Variants in HDAC9 observed in about 807,000 individuals in gnomAD.
HDAC9 encodes the protein MEF-2 interacting transcription repressor (MITR) protein.
A neutral mutation model predicts 139.4 loss-of-function variants in HDAC9; 41 were observed. The ratio of observed to expected loss-of-function variants is 0.29; its 90% confidence interval spans 0.23 to 0.38. The LOEUF is 0.38. HDAC9 is among the 10% of genes least tolerant of loss of function. The probability of loss-of-function intolerance (pLI) is 1.00; values close to 1 mark genes in which losing one functional copy is unlikely to be tolerated. For missense variants in HDAC9, 1,147 were observed against 1,297.0 expected (o/e 0.88, Z 1.78); for synonymous variants, 517 against 476.2 (o/e 1.09, Z -1.12).
chr7:18,599,381 C>T (rs185809519), intron 6 of HDAC9, among the ~76,000 whole-genome samples: 14 of 152,258 alleles, frequency 9.2e-5, no homozygotes, highest in African/African-American at 3.1e-4. Context: ...ACAAATGTGT[C>T]ATATCATGTC....
At chr7:18,585,825 C>G (rs934683702) in intron 3 of HDAC9, among the ~76,000 whole-genome samples, 1 of 152,034 alleles carries the variant, frequency 6.6e-6, no homozygotes, top group Non-Finnish European at 1.5e-5. Context: ...CCCATCTGCT[C>G]TCCACCAAGA....
chr7:18,162,149 A>G, intron 1 of HDAC9: 1 of 601,504 alleles, frequency 1.7e-6, no homozygotes, highest in Non-Finnish European at 2.9e-6. Context: ...TCGACACTCA[A>G]GGCCAGTTCT....
At chr7:18,181,764 AAAT>A (rs1404786821) in intron 2 of HDAC9, among the ~76,000 whole-genome samples, 3 of 152,314 alleles carry the variant, frequency 2.0e-5, no homozygotes, top group Admixed American at 2.0e-4. Context: ...TCCTTTAAAA[AAAT>A]CTTATTAGCA....
chr7:18,411,817 CTTTTT>C (rs71014326), intron 1 of HDAC9, among the ~76,000 whole-genome samples: 33 of 88,938 alleles, frequency 3.7e-4, no homozygotes, highest in African/African-American at 1.2e-3. Context: ...TTTCAACTTG[CTTTTT>C]TTTTTTTTTT....
At chr7:18,952,679 C>T (rs1782881228) in intron 23 of HDAC9, among the ~76,000 whole-genome samples, 1 of 151,902 alleles carries the variant, frequency 6.6e-6, no homozygotes, top group Non-Finnish European at 1.5e-5. Context: ...TCAGTAGTTC[C>T]TCTGAGTTAA....
rs149789415 is a variant in HDAC9, at chr7:18,462,718, A to G, written c.-41-33544A>G. On this transcript the variant is annotated intron_variant, in intron 1 of 3. Coordinates refer to the HDAC9 transcript ENST00000413509. ...TGTCGTTTATAACTTTAGTTTGTTGATTTTTACTGCTGTATAATATCTACT... is the reference window on the plus strand; with the variant it reads ...TGTCGTTTATAACTTTAGTTTGTTGGTTTTTACTGCTGTATAATATCTACT... Among the ~76,000 whole-genome samples, 403 of 151,954 alleles carry G rather than the reference A, an allele frequency of 2.7e-3. 6 individuals are homozygous for G. Among genetic ancestry groups the G allele is most frequent in the African/African-American group, 9.0e-3 (374 of 41,468 alleles).
At chr7:18,759,829 T>C (rs1051855283) in intron 14 of HDAC9, among the ~76,000 whole-genome samples, 1 of 152,126 alleles carries the variant, frequency 6.6e-6, no homozygotes, top group Non-Finnish European at 1.5e-5. Flanking sequence ...TGTGGGTGAA[T>C]AAGCAAAGGT....
intron 1 of HDAC9, among the ~76,000 whole-genome samples, chr7:18,316,518 C>T (rs942982194): frequency 6.6e-6 from 1 of 151,720 alleles, no homozygotes; most frequent in African/African-American, 2.4e-5. Flanking sequence ...ACCCATGTTG[C>T]CAGGTACGGT....
Position 18,296,098 on chromosome 7 carries a change from C to G in HDAC9, c.-42+5583C>G, listed in dbSNP as rs116261238. ...TTTGAATTTGGTTTTTATCTTGAAA[C>G]TTCTTTGTAAAAAACAACGTGAATA... On this transcript the variant is annotated intron_variant, in intron 1 of 3. Transcript: ENST00000413509. Among the ~76,000 whole-genome samples, 683 of 152,208 alleles carry G rather than the reference C, an allele frequency of 4.5e-3. 4 individuals carry two copies. Among genetic ancestry groups the G allele is most frequent in the African/African-American group, 0.015 (642 of 41,542 alleles).
At position 18,237,360 on chromosome 7, in the gene HDAC9, A is replaced by G. The variant is rs115236273; in HGVS notation, c.25+75011A>G. ...AACTGCAATTTATTAAAGCTTGGAA[A>G]CATCTTGCTGTGGAGTGACTTCAAT... On this transcript the variant is annotated intron_variant, in intron 2 of 12. Coordinates refer to the HDAC9 transcript ENST00000417496. 6.5e-3 allele frequency among the ~76,000 whole-genome samples: 983 copies of G among 152,346 alleles called. 17 individuals carry two copies. Among genetic ancestry groups the G allele is most frequent in the African/African-American group, 0.023 (951 of 41,574 alleles).
At chr7:18,292,292 G>A (rs583769) in intron 1 of HDAC9, among the ~76,000 whole-genome samples, 54,443 of 151,828 alleles carry the variant, frequency 0.36, 12,010 homozygotes, top group African/African-American at 0.63. Flanking sequence ...AGCTCATAAG[G>A]GACAGCCAGG....
At chr7:18,772,781 C>T (rs562065267) in intron 16 of HDAC9, among the ~76,000 whole-genome samples, 153 of 152,012 alleles carry the variant, frequency 1.0e-3, no homozygotes, top group Non-Finnish European at 2.0e-3. Context: ...ACTGATAAGC[C>T]ACCTTAATGA....
Position 18,255,878 on chromosome 7 carries a change from C to T in HDAC9, c.25+93529C>T, listed in dbSNP as rs188713249. ...TCTTGACGTCGTGATCTGCCCGCCT[C>T]GGCCTCCCAAAGTGTTGGGATTATA... is the stretch of plus-strand genomic sequence containing the variant. On this transcript the variant is annotated intron_variant, in intron 2 of 12. Transcript: ENST00000417496. 6.0e-4 allele frequency among the ~76,000 whole-genome samples: 91 copies of T among 152,162 alleles called. 2 individuals are homozygous for T. In the East Asian group the frequency reaches 0.015, roughly 25 times the overall value.
In HDAC9 at chr7:18,327,310, T is replaced by G. The variant is rs144782167; in HGVS notation, c.-42+36795T>G. On this transcript the variant is annotated intron_variant, in intron 1 of 3. Transcript: ENST00000413509. ...AACTAAAATATTATTATTTTTTAGT[T>G]TACATATCAGAACCTAGATATAATG... is the stretch of plus-strand genomic sequence containing the variant. The G allele has an allele frequency of 3.9e-3, 588 of 152,046 alleles. 3 individuals carry two copies. Among genetic ancestry groups the G allele is most frequent in the African/African-American group, 0.014 (566 of 41,536 alleles). 9.4% of individuals were successfully genotyped at this position (152,046 alleles called of 1,614,324 possible). A position where few individuals can be genotyped will look rare whatever the true frequency, so the allele number is the denominator to read the frequency against.
At chr7:18,762,521 T>C (rs565680468) in intron 15 of HDAC9, among the ~76,000 whole-genome samples, 181 of 152,320 alleles carry the variant, frequency 1.2e-3, no homozygotes, top group South Asian at 5.2e-3. Context: ...TTGAATAACA[T>C]TTGTACAATG....
Position 19,001,723 on chromosome 7 carries a change from A to G in HDAC9, c.*5661A>G, listed in dbSNP as rs1269772391. On this transcript the variant is annotated 3_prime_UTR_variant, in exon 26 of 26. Coordinates refer to ENST00000686413, the MANE Select transcript of HDAC9 (RefSeq NM_178425.4). ...AGTGTCTACCTCCACAGTAACTATGATATAGGAAATTGTCCTTTCAGTGGT... is the reference window on the plus strand; with the variant it reads ...AGTGTCTACCTCCACAGTAACTATGGTATAGGAAATTGTCCTTTCAGTGGT... 6.6e-6 allele frequency: 1 copy of G among 152,002 alleles called. No homozygotes were observed. The highest frequency in any genetic ancestry group is 1.5e-5 in the Non-Finnish European group (1 of 67,940). 9.4% of individuals were successfully genotyped at this position (152,002 alleles called of 1,614,324 possible). A position where few individuals can be genotyped will look rare whatever the true frequency, so the allele number is the denominator to read the frequency against.
intron 24 of HDAC9, among the ~76,000 whole-genome samples, chr7:18,955,593 A>G (rs1308643950): frequency 6.6e-6 from 1 of 152,140 alleles, no homozygotes; most frequent in Non-Finnish European, 1.5e-5. Flanking sequence ...CATGTTGATC[A>G]ATTACCAAGG....
chr7:18,237,215 G>A (rs979741505), intron 2 of HDAC9, among the ~76,000 whole-genome samples: 15 of 152,142 alleles, frequency 9.9e-5, no homozygotes, highest in African/African-American at 3.1e-4. Context: ...ATTACTTTTT[G>A]TACATGTAAG....
chr7:18,230,383 A>AAGCT lies in HDAC9; in HGVS notation c.25+68038_25+68041dup, dbSNP rs566614473. On this transcript the variant is annotated intron_variant, in intron 2 of 12. Transcript: ENST00000417496. ...TTGGGGCACATGTTACGTGCCCACGAAGCTAGCCCTTATAGATGCCTTTGC... is the reference window on the plus strand; with the variant it reads ...TTGGGGCACATGTTACGTGCCCACGAAGCTAGCTAGCCCTTATAGATGCCTTTGC... 6.6e-5 allele frequency among the ~76,000 whole-genome samples: 10 copies of AAGCT among 152,340 alleles called. No individual in the cohort carries two copies. The South Asian group carries it at 2.1e-3, about 32-fold the overall frequency.
Sources: allele counts gnomAD v4.1 joint callset (sites outside exome capture counted in the v4.1 genomes callset), GRCh38; gene constraint gnomAD v4.1.1; transcripts MANE v1.5; gene names NCBI Gene and HGNC (gene_info 2026-07-23, HGNC 2026-07-21).